RASIP1: variants seen among roughly 807,000 people sequenced by gnomAD.
The protein encoded by RASIP1 is ras-interacting protein 1.
RASIP1 carries 20 observed loss-of-function variants against 85.3 expected under a neutral mutation model. The ratio of observed to expected loss-of-function variants is 0.23; its 90% CI spans 0.17 to 0.34. The LOEUF is 0.34. RASIP1 is among the 10% of genes least tolerant of loss of function. The probability of loss-of-function intolerance (pLI) is 1.00; values close to 1 mark genes in which losing one functional copy is unlikely to be tolerated. For missense variants in RASIP1, 1,170 were observed against 1,390.9 expected (o/e 0.84, Z 2.53); for synonymous variants, 617 against 647.1 (o/e 0.95, Z 0.71).
At chr19:48,726,682 G>T in intron 8 of RASIP1, 103 bp downstream of exon 8, 1 of 907,878 alleles carries the variant, frequency 1.1e-6, no homozygotes, top group Non-Finnish European at 1.7e-6. Context: ...GAGCCACACA[G>T]TGTAGTTCAA....
At chr19:48,737,929 A>T (rs2033602998) in intron 3 of RASIP1, 1 of 983,976 alleles carries the variant, frequency 1.0e-6, no homozygotes, top group South Asian at 4.7e-5. Context: ...TTTCTGGAGG[A>T]CAGTTTTTTG....
Position 48,729,415 on chromosome 19 carries a change from G to T in RASIP1, c.1355C>A (p.Pro452Gln). Residue 452 changes from proline to glutamine, a missense_variant, in exon 5 of 12, where the codon CCG (proline) becomes CAG (glutamine). Pro to Gln is a moderately conservative substitution (Grantham distance 76). Around this residue, in one of 4 missense-constraint regions of RASIP1, gnomAD observed 301 missense variants for 294.8 expected, o/e 1.02. Coordinates refer to ENST00000222145, the MANE Select transcript of RASIP1 (RefSeq NM_017805.3). ...AGPEHPAMVR[P>Q]SRGAPVTHNG... Reference sequence around the variant, plus strand: ...GTGCGTGACTGGGGCGCCCCGGGACGGGCGCACCATGGCCGGGTGCTCAGG... The same window carrying T: ...GTGCGTGACTGGGGCGCCCCGGGACTGGCGCACCATGGCCGGGTGCTCAGG... 2 of 1,558,104 alleles carry T rather than the reference G, an allele frequency of 1.3e-6. No homozygotes were observed. Among genetic ancestry groups the T allele is most frequent in the Non-Finnish European group, 1.7e-6 (2 of 1,151,500 alleles).
chr19:48,721,042 G>T (rs2033224471), intron 11 of RASIP1, 45 bp from the exon 12 acceptor site: 1 of 1,478,030 alleles, frequency 6.8e-7, no homozygotes, highest in Non-Finnish European at 9.1e-7. Context: ...AAGTGGGAGT[G>T]AGGTAGTTGC....
chr19:48,725,052 C>T (rs1601275258), intron 8 of RASIP1, 92 bp from the exon 9 acceptor site: 31 of 1,469,776 alleles, frequency 2.1e-5, no homozygotes, highest in Non-Finnish European at 2.7e-5. Context: ...GGGAGCTCCA[C>T]CAAAGTCTTC....
chr19:48,734,298 A>C (rs1042867918), intron 4 of RASIP1, among the ~76,000 whole-genome samples: 7 of 151,888 alleles, frequency 4.6e-5, no homozygotes, highest in Admixed American at 6.6e-5. Flanking sequence ...CCGACAAAAA[A>C]AAAAAAGTTT....
chr19:48,727,201 A>C (rs1197778937), intron 6 of RASIP1, 43 bp from the exon 7 acceptor site: 1 of 1,609,048 alleles, frequency 6.2e-7, no homozygotes, highest in South Asian at 1.1e-5. Flanking sequence ...CCCAACCCTC[A>C]TCATAGTTTA....
Position 48,739,146 on chromosome 19 carries a change from C to A in RASIP1, c.637G>T (p.Ala213Ser). 7.3e-7 allele frequency: 1 copy of A among 1,368,540 alleles called. No homozygotes were observed. The highest frequency in any genetic ancestry group is 3.7e-5 in the Admixed American group (1 of 27,266). 84.8% of individuals were successfully genotyped at this position (1,368,540 alleles called of 1,614,324 possible). Reference sequence around the variant, plus strand: ...CACTCGCCGCTTCCCACGCCCGCCGCCGCGGGCCGGCCCAGAGCGTCGCAC... The same window carrying A: ...CACTCGCCGCTTCCCACGCCCGCCGACGCGGGCCGGCCCAGAGCGTCGCAC... The part of the protein sequence containing the change: ...ALCDALGRPA[A>S]AGVGSGEWRA... The change falls in exon 3 of 12, where the codon GCG (alanine) becomes TCG (serine). Residue 213 changes from alanine to serine, a missense_variant. Physicochemically the swap from Ala to Ser is moderately conservative, Grantham distance 99. This residue lies in a region of RASIP1 where 299 missense variants were observed against 394.4 expected (regional missense o/e 0.76). Transcript: ENST00000222145. The surrounding 1 kb of genome is among the most constrained non-coding windows in gnomAD (Gnocchi z 9.2).
rs1391057476 is a variant in RASIP1 at position 48,739,838 on chromosome 19, A to AAATT, written c.138-194_138-193insAATT. On this transcript the variant is annotated intron_variant, in intron 2 of 11. Coordinates refer to ENST00000222145, the MANE Select transcript of RASIP1 (RefSeq NM_017805.3). This position sits in a 1 kb window ranked among gnomAD's most constrained non-coding sequence, Gnocchi z 9.2. Reference sequence around the variant, plus strand: ...AGAGAGAGAGAAAAAATAAATAAATAAAGGCAAGTCCCACAGTAGGAAATT... The same window carrying AAATT: ...AGAGAGAGAGAAAAAATAAATAAATAAATTAAGGCAAGTCCCACAGTAGGAAATT... 2.0e-5 allele frequency among the ~76,000 whole-genome samples: 3 copies of AAATT among 152,078 alleles called. No individual in the cohort carries two copies. The highest frequency in any genetic ancestry group is 7.2e-5 in the African/African-American group (3 of 41,390).
intron 5 of RASIP1, 68 bp from the exon 6 acceptor site, chr19:48,727,498 G>A: frequency 1.3e-6 from 2 of 1,497,912 alleles, no homozygotes; most frequent in Non-Finnish European, 1.9e-6. Flanking sequence ...TTAATACCCT[G>A]GTTTTTATAG....
chr19:48,733,513 G>T (rs1417812771), intron 4 of RASIP1, among the ~76,000 whole-genome samples: 2 of 152,148 alleles, frequency 1.3e-5, no homozygotes, highest in Admixed American at 1.3e-4. Context: ...TTCTAAAAAT[G>T]GGTCAGTGCT....
Position 48,726,906 on chromosome 19 carries a change from G to A in RASIP1, c.2024-18C>T. ...CTGTGGGTCTGAGGACAGGCTTGGGGTTAAGAGGGAGAACCAGAAGTCGGC... is the reference window on the plus strand; with the variant it reads ...CTGTGGGTCTGAGGACAGGCTTGGGATTAAGAGGGAGAACCAGAAGTCGGC... On this transcript the variant is annotated intron_variant, in intron 7 of 11. Coordinates refer to ENST00000222145, the MANE Select transcript of RASIP1 (RefSeq NM_017805.3). 1 of 1,611,648 alleles carries A rather than the reference G, an allele frequency of 6.2e-7. No individual in the cohort carries two copies. The highest frequency in any genetic ancestry group is 8.5e-7 in the Non-Finnish European group (1 of 1,178,388).
Position 48,735,464 on chromosome 19 carries a change from G to C in RASIP1, c.911C>G (p.Thr304Ser). The part of the protein sequence containing the change: ...GAALASPGPG[T>S]GSGAPAGSGG... ...AGACCCAGCTGGGGCCCCTGATCCGGTCCCCGGGCCAGGACTGGCCAGCGC... is the reference window on the plus strand; with the variant it reads ...AGACCCAGCTGGGGCCCCTGATCCGCTCCCCGGGCCAGGACTGGCCAGCGC... The change falls in exon 4 of 12, where the codon ACC becomes AGC. Residue 304 changes from threonine to serine, a missense_variant. Physicochemically the swap from Thr to Ser is moderately conservative, Grantham distance 58. This residue lies in a region of RASIP1 where 301 missense variants were observed against 294.8 expected (regional missense o/e 1.02). Transcript: ENST00000222145. 6.3e-7 allele frequency: 1 copy of C among 1,584,672 alleles called. No homozygotes were observed. The highest frequency in any genetic ancestry group is 2.3e-5 in the East Asian group (1 of 43,320).
chr19:48,722,558 T>C (rs921106267), intron 10 of RASIP1, among the ~76,000 whole-genome samples: 1 of 152,142 alleles, frequency 6.6e-6, no homozygotes, highest in Non-Finnish European at 1.5e-5. Context: ...CTCAAAGTTC[T>C]AGGATTACAG....
At chr19:48,726,038 T>A (rs2033336857) in intron 8 of RASIP1, among the ~76,000 whole-genome samples, 1 of 152,126 alleles carries the variant, frequency 6.6e-6, no homozygotes, top group Non-Finnish European at 1.5e-5. Context: ...GCGATTCTCC[T>A]CCCTCAGCCT....
intron 4 of RASIP1, among the ~76,000 whole-genome samples, chr19:48,734,135 A>C (rs1189467238): frequency 2.0e-5 from 3 of 151,770 alleles, no homozygotes; most frequent in Non-Finnish European, 2.9e-5. Flanking sequence ...TCTACTAAAA[A>C]TACAAAAAAA....
chr19:48,733,123 CAG>C (rs1337126088), intron 4 of RASIP1, among the ~76,000 whole-genome samples: 1 of 152,180 alleles, frequency 6.6e-6, no homozygotes, highest in Non-Finnish European at 1.5e-5. Flanking sequence ...TCCCTGGGCT[CAG>C]GGGATTCTCC....
chr19:48,721,961 G>C lies in RASIP1; in HGVS notation c.2585C>G (p.Thr862Ser). 2.6e-6 allele frequency: 4 copies of C among 1,539,002 alleles called. No individual in the cohort carries two copies. The highest frequency in any genetic ancestry group is 3.5e-6 in the Non-Finnish European group (4 of 1,137,998). Residue 862 changes from threonine (T) to serine (S), a missense_variant, in exon 11 of 12, where the codon ACC becomes AGC. Thr to Ser is a moderately conservative substitution (Grantham distance 58). Coordinates refer to ENST00000222145, the MANE Select transcript of RASIP1 (RefSeq NM_017805.3). ...SSLRTDHPTL[T>S]PAQLHHLLSH... ...GAGCAGATGGTGCAGCTGGGCGGGG[G>C]TCAAGGTGGGGTGGTCGGTTCTTAG...
In RASIP1 at chr19:48,724,631, G is replaced by T; in HGVS notation, c.2371+86C>A. 6.3e-7 allele frequency: 1 copy of T among 1,583,062 alleles called. No homozygotes were observed. Among genetic ancestry groups the T allele is most frequent in the Non-Finnish European group, 8.6e-7 (1 of 1,161,322 alleles). ...TGTTCTCCAGGGTACCCAAAGGTGA[G>T]GCTTGAGCCCGTGGTGTGTCTAATA... On this transcript the variant is annotated intron_variant, in intron 9 of 11. Transcript: ENST00000222145. The surrounding 1 kb of genome is among the most constrained non-coding windows in gnomAD (Gnocchi z 4.6).
chr19:48,739,778 G>T lies in RASIP1; in HGVS notation c.138-133C>A. The T allele has an allele frequency of 1.1e-6, 1 of 882,562 alleles. No homozygotes were observed. The highest frequency in any genetic ancestry group is 1.6e-6 in the Non-Finnish European group (1 of 636,542). 54.7% of individuals were successfully genotyped at this position (882,562 alleles called of 1,614,324 possible). On this transcript the variant is annotated intron_variant, in intron 2 of 11. Coordinates refer to ENST00000222145, the MANE Select transcript of RASIP1 (RefSeq NM_017805.3). The surrounding 1 kb of genome is among the most constrained non-coding windows in gnomAD (Gnocchi z 9.2). ...GACAGGGACCCAGGGTGGATGGACG[G>T]GGCGGGGGTGAGGGTGGGGACAGAC... is the stretch of plus-strand genomic sequence containing the variant.
Sources: gnomAD v4.1 joint callset for allele counts (sites outside exome capture counted in the v4.1 genomes callset) on GRCh38, gnomAD v4.1.1 for gene constraint, gnomAD v4.1.1 regional missense constraint, Gnocchi (gnomAD v3.1) non-coding constraint, MANE v1.5 for transcripts, NCBI Gene and HGNC (gene_info 2026-07-23, HGNC 2026-07-21) for gene names.